Variants in MYT1L observed in about 807,000 individuals in gnomAD.
MYT1L encodes the protein myelin transcription factor 1 like, also known as myelin transcription factor 1-like protein.
Under a neutral mutation model 126.7 loss-of-function variants are expected in MYT1L, and 12 were observed. The observed-to-expected ratio is 0.09, with a 90% confidence interval of 0.06 to 0.15. The LOEUF is 0.15. Among genes scored for constraint, MYT1L ranks in the 10% least tolerant of loss-of-function variants. The pLI, the probability that MYT1L is intolerant of heterozygous loss-of-function variation, is 1.00. For synonymous variants in MYT1L, 541 were observed against 604.2 expected (o/e 0.90, Z 1.53); for missense variants, 979 against 1,585.2 (o/e 0.62, Z 6.49).
intron 8 of MYT1L, among the ~76,000 whole-genome samples, chr2:1,953,370 A>G (rs1044770729): frequency 2.0e-5 from 3 of 152,156 alleles, no homozygotes; most frequent in Non-Finnish European, 4.4e-5. Context: ...CCCATTTTCC[A>G]TCATTCTCAT....
chr2:2,290,499 T>G (rs2095583308), intron 1 of MYT1L, among the ~76,000 whole-genome samples: 1 of 152,182 alleles, frequency 6.6e-6, no homozygotes, highest in Admixed American at 6.5e-5. Context: ...AATACAACAC[T>G]GGTGTGGGCA....
intron 8 of MYT1L, among the ~76,000 whole-genome samples, chr2:1,961,732 G>C (rs1454592946): frequency 1.3e-5 from 2 of 152,206 alleles, no homozygotes; most frequent in Admixed American, 1.3e-4. Context: ...TTGAGTACAG[G>C]CAGGCCTCGG....
At chr2:1,945,048 T>C (rs139802394) in intron 8 of MYT1L, among the ~76,000 whole-genome samples, 30 of 152,170 alleles carry the variant, frequency 2.0e-4, no homozygotes, top group African/African-American at 7.0e-4. Context: ...GCGAAAGACA[T>C]GAACATATGT....
At chr2:2,295,440 C>G (rs1395692290) in intron 1 of MYT1L, among the ~76,000 whole-genome samples, 1 of 151,928 alleles carries the variant, frequency 6.6e-6, no homozygotes, top group East Asian at 1.9e-4. Context: ...AGAGGTTCAC[C>G]CTGAGCATCA....
At chr2:2,329,313 T>C (rs1484166710) in intron 1 of MYT1L, among the ~76,000 whole-genome samples, 4 of 80,096 alleles carry the variant, frequency 5.0e-5, no homozygotes, top group African/African-American at 2.0e-4. Context: ...TGGGTGGGGG[T>C]GGGGAGGAGA....
At chr2:1,957,585 C>A (rs1311259997) in intron 8 of MYT1L, among the ~76,000 whole-genome samples, 1 of 150,548 alleles carries the variant, frequency 6.6e-6, no homozygotes, top group Admixed American at 6.6e-5. Flanking sequence ...ACCTATCATC[C>A]ATCTATCTAT....
intron 3 of MYT1L, among the ~76,000 whole-genome samples, chr2:2,112,492 C>T (rs1218139763): frequency 1.3e-5 from 2 of 152,196 alleles, no homozygotes; most frequent in Non-Finnish European, 2.9e-5. Flanking sequence ...GCAAAGAGCT[C>T]ATGCACACGA....
Position 1,897,257 on chromosome 2 carries a change from C to T in MYT1L, c.2033-4970G>A, listed in dbSNP as rs111927218. 5.5e-3 allele frequency among the ~76,000 whole-genome samples: 840 copies of T among 152,262 alleles called. 4 individuals carry two copies. Among genetic ancestry groups the T allele is most frequent in the Non-Finnish European group, 9.2e-3 (623 of 68,020 alleles). ...CTATTTGTAAAATGTCAGCACAGCC[C>T]TTCATGCCAGTATCTTTTGGACCAC... On this transcript the variant is annotated intron_variant, in intron 14 of 24. Coordinates refer to ENST00000647738, the MANE Select transcript of MYT1L (RefSeq NM_001303052.2).
intron 3 of MYT1L, among the ~76,000 whole-genome samples, chr2:2,169,226 G>C (rs1408005198): frequency 1.3e-5 from 2 of 152,166 alleles, no homozygotes; most frequent in Non-Finnish European, 2.9e-5. Context: ...ACTACTTACA[G>C]GAACAGCAGA....
chr2:1,870,479 C>G (rs2046143796), intron 18 of MYT1L, among the ~76,000 whole-genome samples: 1 of 152,194 alleles, frequency 6.6e-6, no homozygotes, highest in Non-Finnish European at 1.5e-5. Context: ...GAGGGTCGGT[C>G]TGCTGGCACT....
intron 23 of MYT1L, among the ~76,000 whole-genome samples, chr2:1,796,890 C>T (rs533823593): frequency 6.6e-6 from 1 of 152,186 alleles, no homozygotes; most frequent in Non-Finnish European, 1.5e-5. Context: ...CCAGGCCGTG[C>T]CCTGCACTTG....
At chr2:1,969,271 C>T (rs1273876697) in intron 8 of MYT1L, among the ~76,000 whole-genome samples, 1 of 152,176 alleles carries the variant, frequency 6.6e-6, no homozygotes, top group Non-Finnish European at 1.5e-5. Context: ...TTATGCGGAC[C>T]CCAGGTCTGT....
intron 1 of MYT1L, among the ~76,000 whole-genome samples, chr2:2,295,342 T>C (rs1246150305): frequency 6.6e-6 from 1 of 152,236 alleles, no homozygotes; most frequent in East Asian, 1.9e-4. Context: ...CTGAGAAACA[T>C]TTCCTCTGCT....
chr2:2,283,071 T>A (rs2095472064), intron 2 of MYT1L, among the ~76,000 whole-genome samples: 1 of 151,392 alleles, frequency 6.6e-6, no homozygotes, highest in South Asian at 2.1e-4. Flanking sequence ...CCAGACTCCA[T>A]CCCCCCCAAC....
chr2:1,933,969 ATTTT>A (rs920521570), intron 9 of MYT1L, among the ~76,000 whole-genome samples: 3 of 111,752 alleles, frequency 2.7e-5, no homozygotes, highest in South Asian at 2.9e-4. Context: ...TCTAATTTTG[ATTTT>A]TTTTTTTTTT....
chr2:1,903,640 C>T (rs367662118), intron 13 of MYT1L, among the ~76,000 whole-genome samples: 39 of 152,122 alleles, frequency 2.6e-4, no homozygotes, highest in East Asian at 7.7e-4. Flanking sequence ...TTCTTTGCAA[C>T]GGTTACAAAG....
intron 11 of MYT1L, among the ~76,000 whole-genome samples, chr2:1,915,898 G>C (rs533548697): frequency 9.2e-5 from 14 of 152,308 alleles, no homozygotes; most frequent in African/African-American, 2.6e-4. Context: ...AATGAAAGGG[G>C]GGGTGTTGCC....
intron 2 of MYT1L, among the ~76,000 whole-genome samples, chr2:2,256,012 G>A (rs1268836009): frequency 6.6e-6 from 1 of 152,150 alleles, no homozygotes; most frequent in South Asian, 2.1e-4. Context: ...GCCATAGCGG[G>A]GTAAAAGGAC....
intron 2 of MYT1L, among the ~76,000 whole-genome samples, chr2:2,190,555 TAAAAAA>T (rs777939174): frequency 2.3e-3 from 246 of 108,440 alleles, no homozygotes; most frequent in African/African-American, 7.9e-3. Flanking sequence ...CAAGACCTGT[TAAAAAA>T]AAAAAAAAAA....
Sources: gnomAD v4.1 joint callset for allele counts (sites outside exome capture counted in the v4.1 genomes callset) on GRCh38, gnomAD v4.1.1 for gene constraint, MANE v1.5 for transcripts, NCBI Gene and HGNC (gene_info 2026-07-23, HGNC 2026-07-21) for gene names.